Variants in ARHGAP32 observed in about 807,000 individuals in gnomAD.
ARHGAP32 encodes Rho GTPase activating protein 32.
A neutral mutation model predicts 186.5 loss-of-function variants in ARHGAP32; 51 were observed. The ratio of observed to expected loss-of-function variants is 0.27; its 90% CI spans 0.22 to 0.35. The LOEUF is 0.35. Ranked by LOEUF, ARHGAP32 falls within the 10% of genes least tolerant of loss-of-function variation. The pLI is 1.00. For synonymous variants in ARHGAP32, 950 were observed against 964.3 expected (o/e 0.99, Z 0.27); for missense variants, 2,186 against 2,623.5 (o/e 0.83, Z 3.64).
chr11:129,046,925 C>T (rs572049353), intron 10 of ARHGAP32, among the ~76,000 whole-genome samples: 8 of 152,000 alleles, frequency 5.3e-5, no homozygotes, highest in Non-Finnish European at 1.0e-4. Flanking sequence ...GAGATCAAGA[C>T]CATCCTGGCT....
intron 11 of ARHGAP32, among the ~76,000 whole-genome samples, chr11:128,999,017 C>T (rs1946276146): frequency 6.6e-6 from 1 of 152,100 alleles, no homozygotes; most frequent in South Asian, 2.1e-4. Context: ...ATCTGGGCAT[C>T]CAAAAAGAAC....
intron 6 of ARHGAP32, among the ~76,000 whole-genome samples, chr11:129,077,221 GA>G (rs1340395675): frequency 6.6e-6 from 1 of 152,158 alleles, no homozygotes; most frequent in Non-Finnish European, 1.5e-5. Context: ...CAGGAAAAAG[GA>G]AAGTTCCAGC....
intron 2 of ARHGAP32, among the ~76,000 whole-genome samples, chr11:129,132,068 A>G (rs557515214): frequency 7.9e-5 from 12 of 152,236 alleles, no homozygotes; most frequent in Admixed American, 2.0e-4. Context: ...TGCATGAGCT[A>G]TTTTTCCTAA....
intron 6 of ARHGAP32, among the ~76,000 whole-genome samples, chr11:129,074,065 C>G (rs968941495): frequency 3.3e-5 from 5 of 152,032 alleles, no homozygotes; most frequent in African/African-American, 7.2e-5. Flanking sequence ...GCCAGCAGAC[C>G]TGCTCTGTAA....
At chr11:129,139,863 A>G (rs1436500772) in intron 2 of ARHGAP32, among the ~76,000 whole-genome samples, 1 of 152,212 alleles carries the variant, frequency 6.6e-6, no homozygotes, top group Non-Finnish European at 1.5e-5. Flanking sequence ...ATTATGAAGT[A>G]TAAATACCAG....
In ARHGAP32 at chr11:128,974,249, G is replaced by T; in HGVS notation, c.2948C>A (p.Ala983Glu). 6.2e-7 allele frequency: 1 copy of T among 1,614,188 alleles called. No individual in the cohort carries two copies. The highest frequency in any genetic ancestry group is 1.1e-5 in the South Asian group (1 of 91,080). Residue 983 changes from alanine to glutamate, a missense_variant, in exon 21 of 23, where the codon GCA (alanine) becomes GAA (glutamate). By Grantham distance (107) the Ala-to-Glu change is moderately radical. This residue lies in a region of ARHGAP32 where 1,502 missense variants were observed against 1,570.0 expected (regional missense o/e 0.96). Transcript: ENST00000682385. ...MKTNETVAQE[A>E]YESEVQPLDQ... ...CAGGGGCTGGACTTCAGATTCATAT[G>T]CTTCTTGGGCAACTGTCTCATTTGT...
At chr11:129,138,823 G>A (rs1942990209) in intron 2 of ARHGAP32, among the ~76,000 whole-genome samples, 1 of 152,144 alleles carries the variant, frequency 6.6e-6, no homozygotes, top group African/African-American at 2.4e-5. Flanking sequence ...ATAGCGTATT[G>A]AGAGATGTTC....
chr11:128,979,361 C>T (rs948692147), intron 18 of ARHGAP32, among the ~76,000 whole-genome samples: 2 of 152,092 alleles, frequency 1.3e-5, no homozygotes, highest in Non-Finnish European at 2.9e-5. Context: ...GTGCTACCTG[C>T]CTTATATGTA....
rs1941643889 is a variant in ARHGAP32 at position 129,093,604 on chromosome 11, T to C, written c.531+17A>G. 2 of 1,565,038 alleles carry C rather than the reference T, an allele frequency of 1.3e-6. No homozygotes were observed. Among genetic ancestry groups the C allele is most frequent in the Non-Finnish European group, 1.8e-6 (2 of 1,142,630 alleles). On this transcript the variant is annotated intron_variant, in intron 6 of 22. Coordinates refer to ENST00000682385, the MANE Select transcript of ARHGAP32 (RefSeq NM_001378024.1). ...TCTTAACTTCATATGAAATGGAGAA[T>C]ACATTCACAAAATCACCTGACAAGC...
At chr11:129,193,680 T>C (rs1390949096), upstream of ARHGAP32, among the ~76,000 whole-genome samples, 304 of 47,154 alleles carry the variant, frequency 6.4e-3, no homozygotes, top group Non-Finnish European at 8.6e-3. Flanking sequence ...ATATAATATA[T>C]AATATATATT....
At chr11:129,128,647 T>G (rs1211219390) in intron 2 of ARHGAP32, among the ~76,000 whole-genome samples, 3 of 138,678 alleles carry the variant, frequency 2.2e-5, no homozygotes, top group Non-Finnish European at 4.6e-5. Flanking sequence ...GAGGCTGGAC[T>G]GTACTGCCGC....
At chr11:128,973,890 C>A in intron 21 of ARHGAP32, 1 of 553,800 alleles carries the variant, frequency 1.8e-6, no homozygotes, top group Non-Finnish European at 3.1e-6. Context: ...TCTCACCGTC[C>A]AAAGAGATAA....
intron 2 of ARHGAP32, among the ~76,000 whole-genome samples, chr11:129,153,316 A>G (rs1943330630): frequency 1.3e-5 from 2 of 152,306 alleles, no homozygotes; most frequent in South Asian, 4.1e-4. Flanking sequence ...GGCCAAAAGC[A>G]GTCTACAGAT....
Position 129,064,940 on chromosome 11 carries a change from A to C in ARHGAP32, c.670-7T>G, listed in dbSNP as rs1781200036. ...TAAGCATCTGAGTGACCGACTGAAA[A>C]GAAAAAGATCAGTGTAACTCTGAGT... On this transcript the variant is annotated splice_polypyrimidine_tract_variant and splice_region_variant and intron_variant, in intron 7 of 22. Coordinates refer to ENST00000682385, the MANE Select transcript of ARHGAP32 (RefSeq NM_001378024.1). The C allele has an allele frequency of 1.3e-6, 2 of 1,577,000 alleles. No individual in the cohort carries two copies. The highest frequency in any genetic ancestry group is 4.7e-5 in the East Asian group (2 of 42,792).
intron 1 of ARHGAP32, among the ~76,000 whole-genome samples, chr11:129,232,667 A>T (rs970166313): frequency 6.6e-6 from 1 of 152,176 alleles, no homozygotes; most frequent in South Asian, 2.1e-4. Flanking sequence ...GGCTGGGGGG[A>T]AAAATTTCCT....
chr11:129,105,506 C>CA (rs796610507), intron 5 of ARHGAP32, among the ~76,000 whole-genome samples: 10 of 151,744 alleles, frequency 6.6e-5, no homozygotes, highest in African/African-American at 2.4e-4. Context: ...TCCTGGCATT[C>CA]AAAAAAATCC....
intron 11 of ARHGAP32, among the ~76,000 whole-genome samples, chr11:129,031,198 T>C (rs895591795): frequency 2.6e-5 from 4 of 152,212 alleles, no homozygotes; most frequent in African/African-American, 9.7e-5. Context: ...AATAAGTATC[T>C]ATATAAATTA....
At chr11:129,013,815 A>C (rs1185461462) in intron 11 of ARHGAP32, among the ~76,000 whole-genome samples, 1 of 152,194 alleles carries the variant, frequency 6.6e-6, no homozygotes, top group Non-Finnish European at 1.5e-5. Flanking sequence ...TTCCTGTTCA[A>C]TATTACTAGT....
At chr11:129,076,926 C>A (rs1183625891) in intron 6 of ARHGAP32, among the ~76,000 whole-genome samples, 1 of 152,192 alleles carries the variant, frequency 6.6e-6, no homozygotes, top group African/African-American at 2.4e-5. Context: ...AGCTGAAAAA[C>A]TGTGAGTGCC....
Sources: gnomAD v4.1 joint callset for allele counts (sites outside exome capture counted in the v4.1 genomes callset) on GRCh38, gnomAD v4.1.1 for gene constraint, gnomAD v4.1.1 regional missense constraint, MANE v1.5 for transcripts, NCBI Gene and HGNC (gene_info 2026-07-23, HGNC 2026-07-21) for gene names.